KCNIP4: variants seen among roughly 807,000 people sequenced by gnomAD.
KCNIP4 encodes the protein potassium voltage-gated channel interacting protein 4, also known as Kv channel-interacting protein 4.
In KCNIP4, 12 loss-of-function variants were observed where a neutral mutation model predicts 34.0. The observed-to-expected ratio is 0.35, with a 90% CI of 0.23 to 0.57. KCNIP4 has a LOEUF of 0.57. Ranked by LOEUF, KCNIP4 falls within the 20% of genes least tolerant of loss-of-function variation. The probability of loss-of-function intolerance (pLI) is 0.83; values close to 1 mark genes in which losing one functional copy is unlikely to be tolerated. For synonymous variants in KCNIP4, 124 were observed against 102.2 expected, an observed-to-expected ratio of 1.21 and a Z score of -1.29; for missense variants, 238 against 311.7, an observed-to-expected ratio of 0.76 and a Z score of 1.78.
Position 21,183,099 on chromosome 4 carries a change from T to C in KCNIP4, c.62-300390A>G, listed in dbSNP as rs143665081. ...TTAGATTTCACATATATGTGATCTC[T>C]TGCAGCACACGTCTTTGTGTGCCTG... On this transcript the variant is annotated intron_variant, in intron 1 of 8. Transcript: ENST00000382152. Among the ~76,000 whole-genome samples, 361 of 152,298 alleles carry C rather than the reference T, an allele frequency of 2.4e-3. 1 individual carries two copies. Among genetic ancestry groups the C allele is most frequent in the African/African-American group, 8.2e-3 (342 of 41,584 alleles).
intron 1 of KCNIP4, among the ~76,000 whole-genome samples, chr4:21,241,376 G>A (rs1276259878): frequency 6.6e-6 from 1 of 152,110 alleles, no homozygotes; most frequent in Non-Finnish European, 1.5e-5. Context: ...ATTTTGAAAT[G>A]CTTCTTCTTT....
chr4:20,772,981 C>G (rs941506989), intron 3 of KCNIP4, among the ~76,000 whole-genome samples: 3 of 151,638 alleles, frequency 2.0e-5, no homozygotes, highest in Admixed American at 6.6e-5. Flanking sequence ...GTTTGTCCCT[C>G]TTGCACAAGT....
intron 1 of KCNIP4, among the ~76,000 whole-genome samples, chr4:21,565,648 A>G (rs1739823669): frequency 6.6e-6 from 1 of 152,140 alleles, no homozygotes; most frequent in Admixed American, 6.6e-5. Flanking sequence ...ATTGGCAATG[A>G]CATTCATTAC....
intron 1 of KCNIP4, among the ~76,000 whole-genome samples, chr4:21,540,518 T>C (rs1446611730): frequency 6.6e-6 from 1 of 152,120 alleles, no homozygotes; most frequent in Non-Finnish European, 1.5e-5. Flanking sequence ...CTAAAAACAA[T>C]GGCTCTGGAT....
At chr4:21,533,967 T>C (rs1736938132) in intron 1 of KCNIP4, among the ~76,000 whole-genome samples, 1 of 152,158 alleles carries the variant, frequency 6.6e-6, no homozygotes, top group Non-Finnish European at 1.5e-5. Flanking sequence ...ACTTAAATGA[T>C]GGTAACAGTA....
At chr4:21,659,839 G>A (rs913476756) in intron 1 of KCNIP4, among the ~76,000 whole-genome samples, 5 of 152,116 alleles carry the variant, frequency 3.3e-5, no homozygotes, top group Non-Finnish European at 1.5e-5. Context: ...TATTTGTAAA[G>A]TGGTTATAGT....
chr4:21,895,665 AG>A (rs1282070771), intron 1 of KCNIP4, among the ~76,000 whole-genome samples: 1 of 152,212 alleles, frequency 6.6e-6, no homozygotes, highest in Non-Finnish European at 1.5e-5. Flanking sequence ...GGCCTGCAAA[AG>A]TAAGGTAAGT....
intron 3 of KCNIP4, among the ~76,000 whole-genome samples, chr4:20,786,670 T>A (rs911432957): frequency 6.6e-6 from 1 of 152,114 alleles, no homozygotes; most frequent in Non-Finnish European, 1.5e-5. Context: ...AAAAAGACAA[T>A]TTCTTGCTCA....
At chr4:21,762,994 G>A in intron 1 of KCNIP4, 1 of 1,288,806 alleles carries the variant, frequency 7.8e-7, no homozygotes, top group Non-Finnish European at 1.0e-6. Context: ...TCTTGTCAAG[G>A]ACAGCACTTG....
At chr4:21,541,816 A>T (rs1483365510) in intron 1 of KCNIP4, among the ~76,000 whole-genome samples, 2 of 151,520 alleles carry the variant, frequency 1.3e-5, no homozygotes, top group Non-Finnish European at 1.5e-5. Flanking sequence ...TACTTTTAAA[A>T]TTTTTTTGTA....
intron 1 of KCNIP4, chr4:21,843,776 A>G (rs2109324164): frequency 6.6e-6 from 1 of 152,210 alleles, no homozygotes; most frequent in East Asian, 1.9e-4. Context: ...CGACAATTAC[A>G]ATTGCAAGTA....
intron 1 of KCNIP4, among the ~76,000 whole-genome samples, chr4:21,015,670 TA>T (rs1172657940): frequency 1.2e-5 from 1 of 81,928 alleles, no homozygotes; most frequent in Non-Finnish European, 2.3e-5. Context: ...TAATATAATA[TA>T]ATATAGTATA....
chr4:21,122,416 A>G (rs1041094777), intron 1 of KCNIP4, among the ~76,000 whole-genome samples: 14 of 151,766 alleles, frequency 9.2e-5, no homozygotes, highest in African/African-American at 3.4e-4. Flanking sequence ...CAACCAAAAC[A>G]ATGTAGCCTA....
intron 1 of KCNIP4, among the ~76,000 whole-genome samples, chr4:21,623,790 A>G (rs1454859947): frequency 3.3e-5 from 5 of 152,082 alleles, no homozygotes; most frequent in Admixed American, 3.3e-4. Context: ...GTTCTTTTCA[A>G]TTAGTTACAG....
chr4:21,386,936 T>A (rs1043826090), intron 1 of KCNIP4, among the ~76,000 whole-genome samples: 3 of 152,196 alleles, frequency 2.0e-5, no homozygotes, highest in African/African-American at 7.2e-5. Context: ...TCCTTCCTCC[T>A]GCACAGTGTA....
chr4:21,267,040 T>C (rs1761857893), intron 1 of KCNIP4, among the ~76,000 whole-genome samples: 1 of 152,144 alleles, frequency 6.6e-6, no homozygotes, highest in Non-Finnish European at 1.5e-5. Flanking sequence ...TGAGATTGAA[T>C]GAGATGATAT....
At chr4:21,404,972 T>C (rs1723847374) in intron 1 of KCNIP4, among the ~76,000 whole-genome samples, 1 of 152,162 alleles carries the variant, frequency 6.6e-6, no homozygotes, top group South Asian at 2.1e-4. Flanking sequence ...TGCACTTCCT[T>C]GTAAAAACCA....
At chr4:21,885,384 A>G (rs752351607) in intron 1 of KCNIP4, among the ~76,000 whole-genome samples, 31 of 152,164 alleles carry the variant, frequency 2.0e-4, no homozygotes, top group Non-Finnish European at 2.1e-4. Context: ...GTAAATGAGT[A>G]GTATTTTGCT....
At chr4:21,298,464 C>T (rs113725889) in intron 1 of KCNIP4, among the ~76,000 whole-genome samples, 2,086 of 152,228 alleles carry the variant, frequency 0.014, 21 homozygotes, top group Non-Finnish European at 0.019. Flanking sequence ...TAACAGTCGT[C>T]CTGGATTCAA....
Sources: gnomAD v4.1 joint callset for allele counts (sites outside exome capture counted in the v4.1 genomes callset) on GRCh38, gnomAD v4.1.1 for gene constraint, MANE v1.5 for transcripts, NCBI Gene and HGNC (gene_info 2026-07-23, HGNC 2026-07-21) for gene names.